INPP5A: variants seen among roughly 807,000 people sequenced by gnomAD.
INPP5A encodes the protein inositol polyphosphate-5-phosphatase A.
INPP5A carries 14 observed loss-of-function variants against 65.2 expected under a neutral mutation model. The ratio of observed to expected loss-of-function variants is 0.21; its 90% CI spans 0.14 to 0.34. INPP5A has a LOEUF of 0.34. Ranked by LOEUF, INPP5A falls within the 10% of genes least tolerant of loss-of-function variation. INPP5A has a pLI of 1.00. For missense variants in INPP5A, 431 were observed against 545.6 expected (o/e 0.79, Z 2.09); for synonymous variants, 207 against 208.3 (o/e 0.99, Z 0.05).
chr10:132,570,679 T>G (rs1452465985), intron 1 of INPP5A, among the ~76,000 whole-genome samples: 1 of 152,102 alleles, frequency 6.6e-6, no homozygotes, highest in African/African-American at 2.4e-5. Context: ...TTTTTTTTTT[T>G]GTAAGAATTC....
At chr10:132,595,729 T>C (rs1260659658) in intron 1 of INPP5A, among the ~76,000 whole-genome samples, 2 of 152,218 alleles carry the variant, frequency 1.3e-5, no homozygotes, top group African/African-American at 2.4e-5. Context: ...TAACTTTCTT[T>C]ATTGAGGTGC....
At chr10:132,716,542 C>T (rs955143485) in intron 8 of INPP5A, among the ~76,000 whole-genome samples, 2 of 152,178 alleles carry the variant, frequency 1.3e-5, no homozygotes, top group Admixed American at 1.3e-4. Flanking sequence ...GGGTGGTTCC[C>T]GGCCCTTTGG....
Position 132,695,889 on chromosome 10 carries a change from A to G in INPP5A, c.371-1927A>G, listed in dbSNP as rs568640485. ...AGATTTCATCTTCATGGATAGTTCT[A>G]TGGTTGGAAAGTAGGTGCCCCCCAC... On this transcript the variant is annotated intron_variant, in intron 5 of 15. Coordinates refer to ENST00000368594, the MANE Select transcript of INPP5A (RefSeq NM_005539.5). Among the ~76,000 whole-genome samples the G allele has an allele frequency of 2.0e-5, 3 of 152,308 alleles. No homozygotes were observed. The South Asian group carries it at 6.2e-4, about 32-fold the overall frequency.
chr10:132,671,936 C>T (rs1437435926), intron 4 of INPP5A, among the ~76,000 whole-genome samples: 2 of 152,146 alleles, frequency 1.3e-5, no homozygotes, highest in African/African-American at 4.8e-5. Flanking sequence ...CAGCTTCAGC[C>T]AGGGTGACGG....
chr10:132,631,962 A>G (rs2072281027), intron 2 of INPP5A, among the ~76,000 whole-genome samples: 1 of 152,222 alleles, frequency 6.6e-6, no homozygotes, highest in Non-Finnish European at 1.5e-5. Context: ...TTCCAAGGTC[A>G]CGCATGCCAG....
At chr10:132,657,675 T>G (rs1270388284) in intron 4 of INPP5A, among the ~76,000 whole-genome samples, 3 of 152,242 alleles carry the variant, frequency 2.0e-5, no homozygotes, top group Non-Finnish European at 2.9e-5. Flanking sequence ...ACTCTCGTTC[T>G]CCTAAATAAG....
chr10:132,662,289 C>G (rs1347134957), intron 4 of INPP5A, among the ~76,000 whole-genome samples: 1 of 152,162 alleles, frequency 6.6e-6, no homozygotes, highest in East Asian at 1.9e-4. Context: ...AGCCGTTTCC[C>G]TCTTCAGTAT....
At chr10:132,612,732 C>G (rs950265049) in intron 2 of INPP5A, among the ~76,000 whole-genome samples, 2 of 152,206 alleles carry the variant, frequency 1.3e-5, no homozygotes, top group African/African-American at 4.8e-5. Flanking sequence ...AGCCCATGTC[C>G]GCTCTCTAGG....
intron 9 of INPP5A, among the ~76,000 whole-genome samples, chr10:132,736,813 C>T (rs2134607559): frequency 6.6e-6 from 1 of 152,346 alleles, no homozygotes; most frequent in African/African-American, 2.4e-5. Context: ...TGGTCATGGC[C>T]CCCCACAGCC....
intron 4 of INPP5A, among the ~76,000 whole-genome samples, chr10:132,664,642 G>A (rs777509781): frequency 1.2e-4 from 18 of 152,218 alleles, no homozygotes; most frequent in African/African-American, 4.1e-4. Flanking sequence ...TCACAGCCAC[G>A]TCTGCTGGGG....
chr10:132,657,604 G>A (rs939295382), intron 4 of INPP5A, among the ~76,000 whole-genome samples: 2 of 152,186 alleles, frequency 1.3e-5, no homozygotes, highest in African/African-American at 2.4e-5. Flanking sequence ...TGAGAGGCCC[G>A]CTGCTTCCTG....
rs1379471523 is a variant in INPP5A at position 132,555,271 on chromosome 10, G to A, written c.75+17100G>A. 6.6e-6 allele frequency among the ~76,000 whole-genome samples: 1 copy of A among 152,042 alleles called. No homozygotes were observed. Among genetic ancestry groups the A allele is most frequent in the Non-Finnish European group, 1.5e-5 (1 of 68,002 alleles). Reference sequence around the variant, plus strand: ...CTGTTCCTTCACCGTGCTGGGGAAGGGCGCTCCTGATCCCTCTGTGAGACC... The same window carrying A: ...CTGTTCCTTCACCGTGCTGGGGAAGAGCGCTCCTGATCCCTCTGTGAGACC... On this transcript the variant is annotated intron_variant, in intron 1 of 15. Coordinates refer to ENST00000368594, the MANE Select transcript of INPP5A (RefSeq NM_005539.5). The surrounding 1 kb of genome is among the most constrained non-coding windows in gnomAD (Gnocchi z 4.4).
At chr10:132,699,725 T>C (rs908783457) in intron 6 of INPP5A, among the ~76,000 whole-genome samples, 6 of 152,102 alleles carry the variant, frequency 3.9e-5, no homozygotes, top group Non-Finnish European at 8.8e-5. Context: ...ACAGACACTC[T>C]AGGGTCCTCC....
intron 1 of INPP5A, among the ~76,000 whole-genome samples, chr10:132,554,404 C>G (rs1305592773): frequency 6.6e-6 from 1 of 152,058 alleles, no homozygotes; most frequent in Non-Finnish European, 1.5e-5. Context: ...GGGCAAGTGG[C>G]GGGGCTGGGT....
intron 12 of INPP5A, 58 bp from the exon 13 acceptor site, chr10:132,777,613 T>G: frequency 1.3e-6 from 2 of 1,504,880 alleles, no homozygotes; most frequent in Non-Finnish European, 1.8e-6. Context: ...AGCCGTCCCT[T>G]TGGGGCTGAG....
intron 1 of INPP5A, among the ~76,000 whole-genome samples, chr10:132,577,833 C>T (rs927380799): frequency 3.3e-5 from 5 of 152,310 alleles, no homozygotes; most frequent in African/African-American, 9.6e-5. Context: ...GCGCTGCTCT[C>T]GGTTCCAGCC....
rs113305603 is a variant in INPP5A, at chr10:132,683,307, A to G, written c.307-7085A>G. On this transcript the variant is annotated intron_variant, in intron 4 of 15. Coordinates refer to ENST00000368594, the MANE Select transcript of INPP5A (RefSeq NM_005539.5). ...CACGTGCACACGTGTGTGTTATCCT[A>G]TGTGGAGGGCACGTGTCTGCCGTGA... Among the ~76,000 whole-genome samples the G allele has an allele frequency of 8.3e-3, 1,223 of 146,978 alleles. 14 individuals carry two copies. The highest frequency in any genetic ancestry group is 0.03 in the African/African-American group (1,173 of 39,178).
intron 12 of INPP5A, among the ~76,000 whole-genome samples, chr10:132,776,206 G>C (rs1441180533): frequency 6.6e-6 from 1 of 152,234 alleles, no homozygotes; most frequent in African/African-American, 2.4e-5. Flanking sequence ...GCTCTTCAGA[G>C]ACATGCATGA....
rs2071800393 is a variant in INPP5A, at chr10:132,603,299, A to G, written c.76-4616A>G. Among the ~76,000 whole-genome samples the G allele has an allele frequency of 6.6e-6, 1 of 152,180 alleles. No homozygotes were observed. The highest frequency in any genetic ancestry group is 1.5e-5 in the Non-Finnish European group (1 of 68,042). On this transcript the variant is annotated intron_variant, in intron 1 of 15. Coordinates refer to ENST00000368594, the MANE Select transcript of INPP5A (RefSeq NM_005539.5). The surrounding 1 kb of genome is among the most constrained non-coding windows in gnomAD (Gnocchi z 4.2). Reference sequence around the variant, plus strand: ...TCTCAGTTTTTTAGTACTTCTCACTAAAATGGAATCATTTTATAAGGTCTG... The same window carrying G: ...TCTCAGTTTTTTAGTACTTCTCACTGAAATGGAATCATTTTATAAGGTCTG...
Sources: allele counts gnomAD v4.1 joint callset (sites outside exome capture counted in the v4.1 genomes callset), GRCh38; gene constraint gnomAD v4.1.1; non-coding constraint Gnocchi (gnomAD v3.1); transcripts MANE v1.5; gene names NCBI Gene and HGNC (gene_info 2026-07-23, HGNC 2026-07-21).